The following ZDHHC17 variants were observed in gnomAD, a reference collection of about 807,000 sequenced individuals.
ZDHHC17 encodes zDHHC palmitoyltransferase 17.
In ZDHHC17, 40 loss-of-function variants were observed where a neutral mutation model predicts 90.3. The observed-to-expected ratio is 0.44, with a 90% confidence interval of 0.34 to 0.58. The LOEUF (loss-of-function observed/expected upper bound fraction) is 0.58, where lower values mean the gene tolerates loss of function less well. ZDHHC17 is among the 20% of genes least tolerant of loss of function. The pLI is 0.01. For synonymous variants in ZDHHC17, 235 were observed against 252.4 expected, an observed-to-expected ratio of 0.93 and a Z score of 0.65; for missense variants, 614 against 780.8, an observed-to-expected ratio of 0.79 and a Z score of 2.55.
At chr12:76,826,409 G>A (rs1455543081) in intron 8 of ZDHHC17, among the ~76,000 whole-genome samples, 1 of 152,134 alleles carries the variant, frequency 6.6e-6, no homozygotes, top group Non-Finnish European at 1.5e-5. Context: ...AACTCTAGGA[G>A]CCTATGGATT....
At chr12:76,826,189 G>T (rs1430105177) in intron 8 of ZDHHC17, among the ~76,000 whole-genome samples, 1 of 152,148 alleles carries the variant, frequency 6.6e-6, no homozygotes, top group African/African-American at 2.4e-5. Context: ...ATAAGTTTGT[G>T]AAGGGCTCTT....
intron 9 of ZDHHC17, among the ~76,000 whole-genome samples, chr12:76,827,906 T>C (rs10778948): frequency 0.61 from 92,809 of 151,858 alleles, 28,418 homozygotes; most frequent in East Asian, 0.67. Flanking sequence ...AAAACACAAC[T>C]CTTCAGTTTC....
intron 5 of ZDHHC17, among the ~76,000 whole-genome samples, chr12:76,812,330 C>CT (rs1953034493): frequency 2.6e-5 from 4 of 151,962 alleles, no homozygotes; most frequent in Admixed American, 2.6e-4. Flanking sequence ...TTTTTTGCTA[C>CT]TTTTTCAGCA....
chr12:76,824,578 C>G (rs1953208012), intron 8 of ZDHHC17, among the ~76,000 whole-genome samples: 1 of 151,824 alleles, frequency 6.6e-6, no homozygotes. Flanking sequence ...GTAGTGACAC[C>G]TAAGACTCAA....
intron 7 of ZDHHC17, among the ~76,000 whole-genome samples, chr12:76,821,970 A>G (rs1404979217): frequency 6.6e-6 from 1 of 152,236 alleles, no homozygotes; most frequent in Non-Finnish European, 1.5e-5. Context: ...TTTCTTTCCT[A>G]TTCTCTTCTG....
chr12:76,830,201 AT>A (rs2137789033), intron 10 of ZDHHC17, among the ~76,000 whole-genome samples: 1 of 152,362 alleles, frequency 6.6e-6, no homozygotes, highest in African/African-American at 2.4e-5. Flanking sequence ...TTTAAATGAT[AT>A]GCAGCTTTTG....
intron 1 of ZDHHC17, among the ~76,000 whole-genome samples, chr12:76,797,022 T>C (rs1299525101): frequency 1.3e-5 from 2 of 152,064 alleles, no homozygotes; most frequent in Non-Finnish European, 2.9e-5. Context: ...CTCAGCACTT[T>C]GGGAGGCCAA....
At chr12:76,771,211 A>G (rs1170950144) in intron 1 of ZDHHC17, among the ~76,000 whole-genome samples, 1 of 152,198 alleles carries the variant, frequency 6.6e-6, no homozygotes, top group East Asian at 1.9e-4. Context: ...CTAGGATAAA[A>G]TATCTTCTTT....
At chr12:76,772,535 GTTT>G (rs34950061) in intron 1 of ZDHHC17, among the ~76,000 whole-genome samples, 7 of 98,562 alleles carry the variant, frequency 7.1e-5, no homozygotes, top group Non-Finnish European at 6.3e-5. Context: ...CTTAACACTT[GTTT>G]TTTTTTTTTT....
chr12:76,819,719 G>A lies in ZDHHC17; in HGVS notation c.772-2687G>A, dbSNP rs147456630. 4.7e-3 allele frequency among the ~76,000 whole-genome samples: 718 copies of A among 152,206 alleles called. 6 individuals carry two copies. Among genetic ancestry groups the A allele is most frequent in the African/African-American group, 0.017 (691 of 41,536 alleles). ...AAGACAATTTATACTAAATGAGGCC[G>A]GGCACTGTGGCTCATGCCTGTAATC... On this transcript the variant is annotated intron_variant, in intron 7 of 16. Transcript: ENST00000426126.
intron 10 of ZDHHC17, among the ~76,000 whole-genome samples, chr12:76,830,480 A>G (rs891745047): frequency 1.3e-5 from 2 of 152,152 alleles, no homozygotes; most frequent in Non-Finnish European, 2.9e-5. Flanking sequence ...ATTCTTCCAT[A>G]TGGCAGTTTT....
At chr12:76,812,657 A>G (rs911415823) in intron 5 of ZDHHC17, among the ~76,000 whole-genome samples, 4 of 152,038 alleles carry the variant, frequency 2.6e-5, no homozygotes, top group Admixed American at 6.6e-5. Context: ...ATTCATGGCT[A>G]CTATAGATGA....
chr12:76,803,343 C>T (rs945914478), intron 2 of ZDHHC17, among the ~76,000 whole-genome samples: 3 of 152,088 alleles, frequency 2.0e-5, no homozygotes, highest in East Asian at 1.9e-4. Context: ...TGTCCTTTCC[C>T]GCATTGTGGA....
chr12:76,850,527 G>A (rs961427500), intron 16 of ZDHHC17, among the ~76,000 whole-genome samples: 6 of 151,806 alleles, frequency 4.0e-5, no homozygotes, highest in Non-Finnish European at 5.9e-5. Flanking sequence ...AGGCCAGGCC[G>A]GGCAACATAG....
At chr12:76,773,344 T>A (rs1592457063) in intron 1 of ZDHHC17, among the ~76,000 whole-genome samples, 1 of 152,250 alleles carries the variant, frequency 6.6e-6, no homozygotes, top group East Asian at 1.9e-4. Context: ...TGCAGTATGT[T>A]GCCTTTTGGA....
chr12:76,849,291 T>G, intron 15 of ZDHHC17, 85 bp from the exon 16 acceptor site: 3 of 694,208 alleles, frequency 4.3e-6, no homozygotes, highest in South Asian at 2.3e-5. Context: ...GCCATTGCAT[T>G]TTAGCCTGGG....
intron 10 of ZDHHC17, among the ~76,000 whole-genome samples, chr12:76,837,177 C>T (rs1398709451): frequency 1.3e-5 from 2 of 152,028 alleles, no homozygotes; most frequent in Non-Finnish European, 2.9e-5. Context: ...ACTCTGTTTC[C>T]CAGGCTGGAG....
At chr12:76,798,807 G>T (rs1952853242) in intron 2 of ZDHHC17, among the ~76,000 whole-genome samples, 1 of 152,112 alleles carries the variant, frequency 6.6e-6, no homozygotes, top group Admixed American at 6.5e-5. Context: ...AGGAGGTATT[G>T]CACATTTCCA....
intron 5 of ZDHHC17, among the ~76,000 whole-genome samples, chr12:76,814,916 G>C (rs926940956): frequency 1.3e-5 from 2 of 151,916 alleles, no homozygotes; most frequent in African/African-American, 4.8e-5. Context: ...TTGAAAGGCT[G>C]ATTAAAACAT....
Sources: allele counts gnomAD v4.1 joint callset (sites outside exome capture counted in the v4.1 genomes callset), GRCh38; gene constraint gnomAD v4.1.1; transcripts MANE v1.5; gene names NCBI Gene and HGNC (gene_info 2026-07-23, HGNC 2026-07-21).